ERBB4: variants seen among roughly 807,000 people sequenced by gnomAD.
The protein encoded by ERBB4 is erb-b2 receptor tyrosine kinase 4.
ERBB4 carries 42 observed loss-of-function variants against 158.0 expected under a neutral mutation model. The ratio of observed to expected loss-of-function variants is 0.27; its 90% confidence interval spans 0.21 to 0.34. ERBB4 has a LOEUF of 0.34. Ranked by LOEUF, ERBB4 falls within the 10% of genes least tolerant of loss-of-function variation. The pLI, the probability that ERBB4 is intolerant of heterozygous loss-of-function variation, is 1.00. For synonymous variants in ERBB4, 583 were observed against 558.7 expected (o/e 1.04, Z -0.61); for missense variants, 1,333 against 1,624.1 (o/e 0.82, Z 3.08).
intron 25 of ERBB4, among the ~76,000 whole-genome samples, chr2:211,420,050 G>A (rs1220752261): frequency 6.6e-6 from 1 of 151,874 alleles, no homozygotes; most frequent in Non-Finnish European, 1.5e-5. Context: ...ATTACTTCTT[G>A]ACTAATATAT....
At chr2:212,362,978 T>C (rs1313254223) in intron 1 of ERBB4, among the ~76,000 whole-genome samples, 3 of 151,208 alleles carry the variant, frequency 2.0e-5, no homozygotes, top group Non-Finnish European at 4.4e-5. Context: ...AAACATAAAT[T>C]TGAAACACGA....
At chr2:212,359,277 C>CAT (rs559654292) in intron 1 of ERBB4, among the ~76,000 whole-genome samples, 25 of 151,194 alleles carry the variant, frequency 1.7e-4, no homozygotes, top group Admixed American at 4.7e-4. Context: ...TATATATATA[C>CAT]ATATATATAT....
intron 1 of ERBB4, among the ~76,000 whole-genome samples, chr2:212,339,163 C>T (rs184728896): frequency 6.6e-6 from 1 of 152,120 alleles, no homozygotes; most frequent in East Asian, 1.9e-4. Flanking sequence ...TCTCTCCCTC[C>T]CCAACCCCAC....
At chr2:211,685,196 T>TTTCA (rs1355231881) in intron 12 of ERBB4, among the ~76,000 whole-genome samples, 1 of 152,206 alleles carries the variant, frequency 6.6e-6, no homozygotes, top group Non-Finnish European at 1.5e-5. Context: ...TCTAAATTCT[T>TTTCA]TTCACCTAAC....
chr2:211,865,212 T>C (rs2078175142), intron 3 of ERBB4, among the ~76,000 whole-genome samples: 2 of 151,158 alleles, frequency 1.3e-5, no homozygotes, highest in Non-Finnish European at 2.9e-5. Context: ...AAAGTATATA[T>C]CTATATGTAT....
intron 1 of ERBB4, among the ~76,000 whole-genome samples, chr2:212,342,740 C>T (rs2088783180): frequency 6.6e-6 from 1 of 152,174 alleles, no homozygotes. Context: ...TACAACTTTA[C>T]TAGACTTCTC....
At chr2:212,229,945 T>C (rs1201151949) in intron 1 of ERBB4, among the ~76,000 whole-genome samples, 2 of 152,070 alleles carry the variant, frequency 1.3e-5, no homozygotes, top group East Asian at 3.9e-4. Flanking sequence ...GGCCAATACC[T>C]AAGCAAAATG....
chr2:211,781,960 C>T (rs2076047834), intron 4 of ERBB4, among the ~76,000 whole-genome samples: 1 of 152,174 alleles, frequency 6.6e-6, no homozygotes, highest in Non-Finnish European at 1.5e-5. Flanking sequence ...TCAGGGTTTG[C>T]TGACCAGCCA....
chr2:211,525,203 G>A (rs1048310181), intron 20 of ERBB4, among the ~76,000 whole-genome samples: 1 of 152,084 alleles, frequency 6.6e-6, no homozygotes, highest in Non-Finnish European at 1.5e-5. Flanking sequence ...TAAAACACCA[G>A]CCAGGGCAGC....
At chr2:212,188,397 C>T (rs1388627790) in intron 1 of ERBB4, among the ~76,000 whole-genome samples, 1 of 151,152 alleles carries the variant, frequency 6.6e-6, no homozygotes, top group South Asian at 2.1e-4. Context: ...GGTCAGGGTA[C>T]ACCTCCCTCT....
intron 3 of ERBB4, among the ~76,000 whole-genome samples, chr2:211,887,769 A>G (rs1384702397): frequency 6.6e-6 from 1 of 152,192 alleles, no homozygotes. Flanking sequence ...ACCTAAACAT[A>G]CTTAATATGT....
intron 3 of ERBB4, among the ~76,000 whole-genome samples, chr2:211,863,535 A>C (rs2078124114): frequency 6.6e-6 from 1 of 152,188 alleles, no homozygotes; most frequent in South Asian, 2.1e-4. Context: ...AGCGAAACTA[A>C]GAACCCACTG....
At chr2:211,420,099 T>G (rs2063483984) in intron 25 of ERBB4, among the ~76,000 whole-genome samples, 1 of 152,066 alleles carries the variant, frequency 6.6e-6, no homozygotes, top group Admixed American at 6.6e-5. Flanking sequence ...GAAAGCCTAC[T>G]TGGTAGGAAT....
At chr2:211,918,079 G>A (rs955369331) in intron 3 of ERBB4, among the ~76,000 whole-genome samples, 1 of 152,144 alleles carries the variant, frequency 6.6e-6, no homozygotes, top group African/African-American at 2.4e-5. Context: ...GATTGAAGAT[G>A]ATTCTAGCTT....
chr2:212,533,773 C>T lies in ERBB4; in HGVS notation c.82+4676G>A, dbSNP rs1233691236. ...TGAAATGTAACATAATAGAGCATCT[C>T]TAAAATGATATAACCTGGAGAAAAG... On this transcript the variant is annotated intron_variant, in intron 1 of 27. Transcript: ENST00000342788. 3.3e-5 allele frequency among the ~76,000 whole-genome samples: 5 copies of T among 152,048 alleles called. No individual in the cohort carries two copies. The East Asian group carries it at 7.7e-4, about 23-fold the overall frequency.
At chr2:212,448,147 A>G (rs1301587036) in intron 1 of ERBB4, among the ~76,000 whole-genome samples, 1 of 152,146 alleles carries the variant, frequency 6.6e-6, no homozygotes, top group Non-Finnish European at 1.5e-5. Flanking sequence ...TATTATCATG[A>G]CATGTCAGGG....
intron 16 of ERBB4, among the ~76,000 whole-genome samples, chr2:211,654,132 G>C (rs2071122592): frequency 6.6e-6 from 1 of 152,152 alleles, no homozygotes; most frequent in Non-Finnish European, 1.5e-5. Flanking sequence ...ATCTCAGAGA[G>C]GTAAGCATTT....
chr2:211,740,664 G>A (rs1026549977), intron 5 of ERBB4, among the ~76,000 whole-genome samples: 10 of 112,742 alleles, frequency 8.9e-5, no homozygotes, highest in Admixed American at 7.9e-4. Context: ...GTCTCCCTCT[G>A]TCGCGGCGTG....
chr2:212,463,409 T>A (rs898568599), intron 1 of ERBB4, among the ~76,000 whole-genome samples: 5 of 152,108 alleles, frequency 3.3e-5, no homozygotes, highest in Admixed American at 3.3e-4. Flanking sequence ...TAAAAACACA[T>A]ATATGTATAT....
Sources: gnomAD v4.1 joint callset for allele counts (sites outside exome capture counted in the v4.1 genomes callset) on GRCh38, gnomAD v4.1.1 for gene constraint, MANE v1.5 for transcripts, NCBI Gene and HGNC (gene_info 2026-07-23, HGNC 2026-07-21) for gene names.